The following AGMO variants were observed in gnomAD, a reference collection of about 807,000 sequenced individuals.
AGMO encodes glyceryl-ether monooxygenase.
A neutral mutation model predicts 60.2 loss-of-function variants in AGMO; 75 were observed. The observed-to-expected ratio is 1.25, with a 90% CI of 1.03 to 1.51. The LOEUF is 1.51. Among genes scored for constraint, AGMO ranks in the 40% most tolerant of loss-of-function variants. The pLI, the probability that AGMO is intolerant of heterozygous loss-of-function variation, is 0.00. For missense variants in AGMO, 763 were observed against 525.5 expected (o/e 1.45, Z -4.42); for synonymous variants, 261 against 177.1 (o/e 1.47, Z -3.76).
intron 12 of AGMO, among the ~76,000 whole-genome samples, chr7:15,265,755 A>C (rs1013995809): frequency 6.6e-6 from 1 of 152,138 alleles, no homozygotes; most frequent in Non-Finnish European, 1.5e-5. Flanking sequence ...AACAATTACT[A>C]TATGATATAG....
intron 12 of AGMO, among the ~76,000 whole-genome samples, chr7:15,364,761 G>GT (rs1315195176): frequency 6.6e-6 from 1 of 151,928 alleles, no homozygotes; most frequent in African/African-American, 2.4e-5. Flanking sequence ...TATATACTGG[G>GT]TTTTTCACTG....
chr7:15,531,622 A>ATATATATTCTATATATATATTC (rs1583656606), intron 3 of AGMO, among the ~76,000 whole-genome samples: 1 of 126,192 alleles, frequency 7.9e-6, no homozygotes, highest in South Asian at 2.3e-4. Flanking sequence ...TGTATATTCT[A>ATATATATTCTATATATATATTC]TATATATATT....
intron 12 of AGMO, among the ~76,000 whole-genome samples, chr7:15,290,367 A>G (rs1355884331): frequency 6.6e-6 from 1 of 152,096 alleles, no homozygotes; most frequent in Non-Finnish European, 1.5e-5. Flanking sequence ...TGATTAGTAG[A>G]TGTTGAGGGT....
chr7:15,484,680 C>G (rs1005060118), intron 3 of AGMO, among the ~76,000 whole-genome samples: 1 of 152,094 alleles, frequency 6.6e-6, no homozygotes, highest in Non-Finnish European at 1.5e-5. Context: ...CGGCAGTAAA[C>G]TGAACTAGTT....
intron 3 of AGMO, among the ~76,000 whole-genome samples, chr7:15,530,495 CTA>C (rs1583652768): frequency 4.3e-5 from 2 of 46,464 alleles, no homozygotes; most frequent in East Asian, 2.4e-3. Flanking sequence ...TATATATATT[CTA>C]TATACGTATT....
chr7:15,467,635 C>T (rs1161950901), intron 3 of AGMO, among the ~76,000 whole-genome samples: 1 of 152,040 alleles, frequency 6.6e-6, no homozygotes, highest in East Asian at 1.9e-4. Flanking sequence ...AATGGTTCTT[C>T]CAGACAAATA....
chr7:15,364,353 T>C (rs1047766493), intron 12 of AGMO, among the ~76,000 whole-genome samples: 16 of 152,150 alleles, frequency 1.1e-4, no homozygotes, highest in African/African-American at 3.6e-4. Context: ...CCTCTCCCTG[T>C]TTTTATACTT....
At chr7:15,458,158 C>T (rs938803263) in intron 3 of AGMO, among the ~76,000 whole-genome samples, 4 of 152,112 alleles carry the variant, frequency 2.6e-5, no homozygotes, top group Non-Finnish European at 2.9e-5. Context: ...CCAAATACAA[C>T]TACAGCCCAA....
At chr7:15,264,392 T>A (rs887404725) in intron 12 of AGMO, among the ~76,000 whole-genome samples, 1 of 152,000 alleles carries the variant, frequency 6.6e-6, no homozygotes, top group Non-Finnish European at 1.5e-5. Flanking sequence ...CCCAAAATAT[T>A]TTAAATTTTA....
intron 12 of AGMO, among the ~76,000 whole-genome samples, chr7:15,307,671 A>C (rs1027211520): frequency 6.6e-6 from 1 of 152,018 alleles, no homozygotes; most frequent in South Asian, 2.1e-4. Flanking sequence ...CTGACACTCA[A>C]ATTTACACCT....
chr7:15,213,498 A>G (rs541779824), intron 12 of AGMO, among the ~76,000 whole-genome samples: 1 of 152,084 alleles, frequency 6.6e-6, no homozygotes, highest in African/African-American at 2.4e-5. Context: ...TTTATAATAA[A>G]AAGGATACAT....
At chr7:15,313,173 G>A (rs546846976) in intron 12 of AGMO, among the ~76,000 whole-genome samples, 4 of 152,214 alleles carry the variant, frequency 2.6e-5, no homozygotes, top group South Asian at 2.1e-4. Flanking sequence ...AAACTCCTTC[G>A]ATGTTTTGTA....
At chr7:15,365,380 T>TAAA (rs60202363) in intron 12 of AGMO, 134 bp downstream of exon 12, 19 of 223,994 alleles carry the variant, frequency 8.5e-5, no homozygotes, top group African/African-American at 2.9e-4. Context: ...TACTGGTAAG[T>TAAA]AAAAAAAAAA....
chr7:15,242,397 G>A (rs1198920925), intron 12 of AGMO, among the ~76,000 whole-genome samples: 1 of 152,150 alleles, frequency 6.6e-6, no homozygotes, highest in Admixed American at 6.5e-5. Flanking sequence ...TCACAAGGTT[G>A]TAGGGTAAAA....
rs540735353 is a variant in AGMO, at chr7:15,256,516, CGTGT to C, written c.1264-55161_1264-55158del. 3.4e-4 allele frequency among the ~76,000 whole-genome samples: 51 copies of C among 151,986 alleles called. 2 individuals carry two copies. In the South Asian group the frequency reaches 9.8e-3, roughly 29 times the overall value. ...CACCACGACGCCTGGTGTCGTGTGA[CGTGT>C]GTAATTTTTTGTGTGTGTATTTTTA... On this transcript the variant is annotated intron_variant, in intron 12 of 12. Coordinates refer to ENST00000342526, the MANE Select transcript of AGMO (RefSeq NM_001004320.2).
intron 3 of AGMO, among the ~76,000 whole-genome samples, chr7:15,529,327 A>C (rs1784213864): frequency 6.6e-6 from 1 of 150,980 alleles, no homozygotes. Context: ...TGTTAATGTA[A>C]CTTCAAAAGA....
chr7:15,370,481 G>A (rs189068324), intron 10 of AGMO, among the ~76,000 whole-genome samples: 1 of 152,278 alleles, frequency 6.6e-6, no homozygotes, highest in Non-Finnish European at 1.5e-5. Context: ...GCTTTCCACA[G>A]TGGCTGAACT....
intron 4 of AGMO, among the ~76,000 whole-genome samples, chr7:15,425,365 T>G (rs1375208707): frequency 6.6e-6 from 1 of 152,038 alleles, no homozygotes; most frequent in Non-Finnish European, 1.5e-5. Flanking sequence ...CATATGATAA[T>G]GTAATAATGT....
chr7:15,250,773 A>G (rs558419209), intron 12 of AGMO, among the ~76,000 whole-genome samples: 75 of 152,084 alleles, frequency 4.9e-4, no homozygotes, highest in African/African-American at 1.8e-3. Context: ...GTGAAACCCC[A>G]TCTCTACTAA....
Sources: allele counts gnomAD v4.1 joint callset (sites outside exome capture counted in the v4.1 genomes callset), GRCh38; gene constraint gnomAD v4.1.1; transcripts MANE v1.5; gene names NCBI Gene and HGNC (gene_info 2026-07-23, HGNC 2026-07-21).